The following HSD17B4 variants were observed in gnomAD, a reference collection of about 807,000 sequenced individuals.
HSD17B4 encodes the protein peroxisomal multifunctional enzyme type 2.
In HSD17B4, 70 loss-of-function variants were observed where a neutral mutation model predicts 101.0. The ratio of observed to expected loss-of-function variants is 0.69; its 90% CI spans 0.57 to 0.85. The LOEUF (loss-of-function observed/expected upper bound fraction) is 0.85, where lower values mean the gene tolerates loss of function less well. Ranked by LOEUF, HSD17B4 falls within the 40% of genes least tolerant of loss-of-function variation. HSD17B4 has a pLI of 0.00. For missense variants in HSD17B4, 984 were observed against 892.4 expected, an observed-to-expected ratio of 1.10 and a Z score of -1.31; for synonymous variants, 347 against 297.1, an observed-to-expected ratio of 1.17 and a Z score of -1.73.
chr5:119,507,528 A>G (rs1324118694), intron 15 of HSD17B4, among the ~76,000 whole-genome samples: 1 of 152,196 alleles, frequency 6.6e-6, no homozygotes, highest in Non-Finnish European at 1.5e-5. Context: ...TCACGCCTGT[A>G]ATCCTAGCAC....
At chr5:119,510,054 C>G (rs924305121) in intron 16 of HSD17B4, among the ~76,000 whole-genome samples, 1 of 152,106 alleles carries the variant, frequency 6.6e-6, no homozygotes. Context: ...TCTTATATTA[C>G]CATATATGTA....
intron 17 of HSD17B4, among the ~76,000 whole-genome samples, chr5:119,522,079 C>T (rs1753165917): frequency 6.6e-6 from 1 of 151,990 alleles, no homozygotes; most frequent in African/African-American, 2.4e-5. Flanking sequence ...AATGATATCC[C>T]TCCCTCCTCC....
At chr5:119,516,593 A>G (rs1752632662) in intron 17 of HSD17B4, among the ~76,000 whole-genome samples, 1 of 152,172 alleles carries the variant, frequency 6.6e-6, no homozygotes, top group Non-Finnish European at 1.5e-5. Context: ...GTTCTTGGCC[A>G]TTTTGTATTG....
At chr5:119,460,082 A>G (rs1265356283) in intron 2 of HSD17B4, among the ~76,000 whole-genome samples, 4 of 151,334 alleles carry the variant, frequency 2.6e-5, no homozygotes, top group Non-Finnish European at 2.9e-5. Context: ...TCACTGTGTT[A>G]GCCAGGATGG....
intron 8 of HSD17B4, among the ~76,000 whole-genome samples, chr5:119,488,240 T>C (rs1302802811): frequency 6.6e-6 from 1 of 152,108 alleles, no homozygotes; most frequent in Non-Finnish European, 1.5e-5. Context: ...AATGATGGGC[T>C]CAGGTTCCTA....
intron 4 of HSD17B4, among the ~76,000 whole-genome samples, chr5:119,475,374 T>C (rs571444325): frequency 6.6e-6 from 1 of 152,194 alleles, no homozygotes; most frequent in South Asian, 2.1e-4. Context: ...TGAGGTTAAG[T>C]GTAGAATGGC....
At chr5:119,526,225 C>A (rs1753581801) in intron 19 of HSD17B4, among the ~76,000 whole-genome samples, 1 of 151,534 alleles carries the variant, frequency 6.6e-6, no homozygotes, top group African/African-American at 2.4e-5. Context: ...GAAGGATGCA[C>A]AGTTGCAATT....
intron 14 of HSD17B4, among the ~76,000 whole-genome samples, chr5:119,505,833 T>C (rs925136771): frequency 3.9e-5 from 6 of 152,220 alleles, no homozygotes; most frequent in Admixed American, 3.9e-4. Flanking sequence ...ACAGTATTGG[T>C]TGTATGCTCA....
intron 2 of HSD17B4, among the ~76,000 whole-genome samples, chr5:119,472,815 A>G (rs1220206797): frequency 1.3e-5 from 2 of 152,158 alleles, no homozygotes; most frequent in Non-Finnish European, 2.9e-5. Context: ...CCATCATTCT[A>G]TTTTGTGATT....
At chr5:119,474,694 T>TA (rs964179934) in intron 4 of HSD17B4, among the ~76,000 whole-genome samples, 2 of 152,194 alleles carry the variant, frequency 1.3e-5, no homozygotes, top group African/African-American at 4.8e-5. Flanking sequence ...TTAAAAAACT[T>TA]ACGAGCGTTT....
At chr5:119,531,563 A>AG (rs34403323) in intron 22 of HSD17B4, among the ~76,000 whole-genome samples, 159 bp downstream of exon 22, 1 of 122,352 alleles carries the variant, frequency 8.2e-6, no homozygotes, top group Non-Finnish European at 1.6e-5. Context: ...GAATGTCCAA[A>AG]GGGGGGTGTG....
chr5:119,500,623 A>G (rs1204943130), intron 13 of HSD17B4, among the ~76,000 whole-genome samples: 4 of 152,080 alleles, frequency 2.6e-5, no homozygotes, highest in Admixed American at 1.3e-4. Context: ...TGATGTTTAA[A>G]TACTGGAGAT....
intron 4 of HSD17B4, among the ~76,000 whole-genome samples, 153 bp downstream of exon 4, chr5:119,474,613 A>T (rs567080678): frequency 1.2e-4 from 18 of 152,310 alleles, no homozygotes; most frequent in African/African-American, 3.8e-4. Flanking sequence ...TACTTATTTC[A>T]TAAAGGGTTT....
intron 2 of HSD17B4, chr5:119,456,851 T>G (rs1284347857): frequency 5.9e-6 from 1 of 169,438 alleles, no homozygotes; most frequent in African/African-American, 2.4e-5. Flanking sequence ...GTTTGTCTAC[T>G]GGTGCGAGAT....
chr5:119,459,793 C>A (rs1205560780), intron 2 of HSD17B4, among the ~76,000 whole-genome samples: 2 of 152,018 alleles, frequency 1.3e-5, no homozygotes, highest in African/African-American at 4.8e-5. Flanking sequence ...CCCGATTAAT[C>A]TATTAGTCCA....
intron 2 of HSD17B4, 85 bp downstream of exon 2, chr5:119,456,453 A>G: frequency 1.1e-6 from 1 of 944,836 alleles, no homozygotes; most frequent in Non-Finnish European, 1.7e-6. Flanking sequence ...TCTATCAAAT[A>G]ATTTGTCAAG....
At position 119,542,139 on chromosome 5, in the gene HSD17B4, C is replaced by T; in HGVS notation, c.*145C>T. On this transcript the variant is annotated 3_prime_UTR_variant, in exon 24 of 24. Transcript: ENST00000510025. ...CAGATATCAGATAACTGCAGATTTT[C>T]ATTTTCTACTAATTTTTCATGTATC... is the stretch of plus-strand genomic sequence containing the variant. 1 of 652,618 alleles carries T rather than the reference C, an allele frequency of 1.5e-6. No individual in the cohort carries two copies. Among genetic ancestry groups the T allele is most frequent in the Non-Finnish European group, 2.8e-6 (1 of 357,618 alleles). The allele number at this position is 652,618 out of a possible 1,614,324, so 40.4% of individuals were successfully genotyped here. A position where few individuals can be genotyped will look rare whatever the true frequency, so the allele number is the denominator to read the frequency against.
At chr5:119,499,221 A>T in intron 12 of HSD17B4, 96 bp from the exon 13 acceptor site, 1 of 780,146 alleles carries the variant, frequency 1.3e-6, no homozygotes, top group Non-Finnish European at 2.3e-6. Flanking sequence ...CTAACATTCT[A>T]GTCACATCTA....
At chr5:119,537,387 T>A (rs938167312) in intron 23 of HSD17B4, among the ~76,000 whole-genome samples, 3 of 152,156 alleles carry the variant, frequency 2.0e-5, no homozygotes, top group Non-Finnish European at 2.9e-5. Context: ...GTTTAATAAT[T>A]TTAATGTTTA....
Sources: gnomAD v4.1 joint callset for allele counts (sites outside exome capture counted in the v4.1 genomes callset) on GRCh38, gnomAD v4.1.1 for gene constraint, MANE v1.5 for transcripts, NCBI Gene and HGNC (gene_info 2026-07-23, HGNC 2026-07-21) for gene names.